ARL3: variants seen among roughly 807,000 people sequenced by gnomAD.
ARL3 encodes ARF like GTPase 3, also known as ADP-ribosylation factor-like protein 3.
In ARL3, 9 loss-of-function variants were observed where a neutral mutation model predicts 26.0. The ratio of observed to expected loss-of-function variants is 0.35; its 90% CI spans 0.21 to 0.60. The LOEUF is 0.60. Among genes scored for constraint, ARL3 ranks in the 20% least tolerant of loss-of-function variants. The pLI, the probability that ARL3 is intolerant of heterozygous loss-of-function variation, is 0.78. For missense variants in ARL3, 158 were observed against 215.7 expected (o/e 0.73, Z 1.67); for synonymous variants, 71 against 78.4 (o/e 0.91, Z 0.50).
At chr10:102,683,155 G>A (rs894686947) in intron 5 of ARL3, among the ~76,000 whole-genome samples, 1 of 152,164 alleles carries the variant, frequency 6.6e-6, no homozygotes, top group African/African-American at 2.4e-5. Context: ...GCTGGTGTGT[G>A]GACAAGAGCT....
chr10:102,686,708 G>T, intron 4 of ARL3, among the ~76,000 whole-genome samples: 1 of 150,170 alleles, frequency 6.7e-6, no homozygotes, highest in African/African-American at 2.5e-5. Context: ...CAAGTGATCT[G>T]CCCGCCTTGG....
chr10:102,687,452 C>T (rs923106609), intron 4 of ARL3, among the ~76,000 whole-genome samples: 2 of 151,556 alleles, frequency 1.3e-5, no homozygotes, highest in African/African-American at 2.4e-5. Flanking sequence ...CCATGTAATC[C>T]CAGCATTTTG....
At chr10:102,677,981 G>A (rs2064138384) in intron 5 of ARL3, among the ~76,000 whole-genome samples, 1 of 152,050 alleles carries the variant, frequency 6.6e-6, no homozygotes, top group Non-Finnish European at 1.5e-5. Context: ...AATATCAGCT[G>A]ACACCCTTGG....
At chr10:102,707,719 C>T (rs1293995539) in intron 1 of ARL3, among the ~76,000 whole-genome samples, 1 of 152,090 alleles carries the variant, frequency 6.6e-6, no homozygotes, top group Non-Finnish European at 1.5e-5. Context: ...CTTTGTTTAC[C>T]ACTTCTAGTA....
In ARL3 at chr10:102,682,595, T is replaced by C. The variant is rs554942835; in HGVS notation, c.501+3221A>G. Among the ~76,000 whole-genome samples the C allele has an allele frequency of 3.3e-5, 5 of 152,354 alleles. No homozygotes were observed. In the South Asian group the frequency reaches 1.0e-3, roughly 32 times the overall value. ...AAGCTACTCCACTAATGAGAAGTGA[T>C]GTACCTGCCCTACTTCATCCACAGA... On this transcript the variant is annotated intron_variant, in intron 5 of 5. Transcript: ENST00000260746.
chr10:102,707,861 T>C (rs2064317506), intron 1 of ARL3, among the ~76,000 whole-genome samples: 1 of 152,168 alleles, frequency 6.6e-6, no homozygotes, highest in South Asian at 2.1e-4. Context: ...AGAGATTGAA[T>C]AGATTGGAAA....
chr10:102,694,478 G>A (rs1590123816), intron 3 of ARL3, among the ~76,000 whole-genome samples: 1 of 151,736 alleles, frequency 6.6e-6, no homozygotes, highest in South Asian at 2.1e-4. Flanking sequence ...GCTCTAGGTC[G>A]AAGGAAAAAA....
chr10:102,711,173 C>A (rs1330305995), intron 1 of ARL3, among the ~76,000 whole-genome samples: 1 of 152,126 alleles, frequency 6.6e-6, no homozygotes, highest in Non-Finnish European at 1.5e-5. Context: ...TCTCATCACC[C>A]TCTCCTAAAT....
intron 3 of ARL3, among the ~76,000 whole-genome samples, chr10:102,694,177 G>A (rs2064235272): frequency 6.6e-6 from 1 of 151,212 alleles, no homozygotes; most frequent in South Asian, 2.1e-4. Flanking sequence ...TTTTTGTAGA[G>A]ATGGGGTTTC....
chr10:102,675,591 G>C lies in ARL3; in HGVS notation c.*1303C>G, dbSNP rs1477829270. ...CTGTTTCCCCATGTTTGAAGCTGAGGATTTCTGAGGTTCAGGGAAACAAGC... is the reference window on the plus strand; with the variant it reads ...CTGTTTCCCCATGTTTGAAGCTGAGCATTTCTGAGGTTCAGGGAAACAAGC... On this transcript the variant is annotated 3_prime_UTR_variant, in exon 6 of 6. Coordinates refer to ENST00000260746, the MANE Select transcript of ARL3 (RefSeq NM_004311.4). The C allele has an allele frequency of 6.6e-6, 1 of 152,222 alleles. No individual in the cohort carries two copies. Among genetic ancestry groups the C allele is most frequent in the African/African-American group, 2.4e-5 (1 of 41,446 alleles). 9.4% of individuals were successfully genotyped at this position (152,222 alleles called of 1,614,324 possible).
chr10:102,706,026 T>C (rs932600808), intron 1 of ARL3, among the ~76,000 whole-genome samples: 9 of 152,204 alleles, frequency 5.9e-5, no homozygotes, highest in African/African-American at 2.2e-4. Flanking sequence ...TATAAAATTA[T>C]AGTTGGGCTT....
At position 102,684,725 on chromosome 10, in the gene ARL3, G is replaced by A. The variant is rs187022520; in HGVS notation, c.501+1091C>T. On this transcript the variant is annotated intron_variant, in intron 5 of 5. Transcript: ENST00000260746. ...GCGATCTTGGCTCACTGGAACCTTC[G>A]CCTCCCAGCTTCAAGCAATTCTGCT... is the stretch of plus-strand genomic sequence containing the variant. 1.6e-3 allele frequency among the ~76,000 whole-genome samples: 235 copies of A among 151,550 alleles called. 1 individual carries two copies. The highest frequency in any genetic ancestry group is 5.5e-3 in the African/African-American group (229 of 41,398).
At chr10:102,686,132 C>T (rs2064183965) in intron 4 of ARL3, 131 bp from the exon 5 acceptor site, 15 of 735,152 alleles carry the variant, frequency 2.0e-5, no homozygotes, top group Admixed American at 6.2e-5. Context: ...AGTGCAATGG[C>T]GTGATCTCGG....
chr10:102,707,878 G>A (rs571067639), intron 1 of ARL3, among the ~76,000 whole-genome samples: 1 of 152,256 alleles, frequency 6.6e-6, no homozygotes, highest in South Asian at 2.1e-4. Flanking sequence ...GAAACAAACA[G>A]AAGTCTGGCT....
intron 2 of ARL3, among the ~76,000 whole-genome samples, chr10:102,699,989 T>C (rs1350984556): frequency 6.6e-6 from 1 of 152,192 alleles, no homozygotes; most frequent in Non-Finnish European, 1.5e-5. Flanking sequence ...CAGGGATTAA[T>C]CAGGAAAAAG....
rs1400832429 is a variant in ARL3, at chr10:102,689,910, A to G, written c.298T>C (p.Phe100Leu). The change falls in exon 4 of 6, where the codon TTT becomes CTT. Residue 100 changes from phenylalanine to leucine, a missense_variant. Coordinates refer to ENST00000260746, the MANE Select transcript of ARL3 (RefSeq NM_004311.4). The stretch of plus-strand genomic sequence containing the variant: ...TTATTTACCTGACCCGTCTCTTCAA[A>G]TCTTTTTCTGTCTGCACTGTCGATT... ...YVIDSADRKR[F>L]EETGQELAEL... The G allele has an allele frequency of 6.3e-7, 1 of 1,598,256 alleles. No individual in the cohort carries two copies. Among genetic ancestry groups the G allele is most frequent in the African/African-American group, 1.3e-5 (1 of 74,488 alleles).
At chr10:102,680,501 A>G (rs1006161977) in intron 5 of ARL3, among the ~76,000 whole-genome samples, 7 of 152,114 alleles carry the variant, frequency 4.6e-5, no homozygotes, top group Admixed American at 4.6e-4. Flanking sequence ...TCACAATATT[A>G]TTCTCCCCTA....
intron 3 of ARL3, among the ~76,000 whole-genome samples, chr10:102,696,108 C>T (rs879486578): frequency 2.0e-5 from 3 of 151,440 alleles, no homozygotes; most frequent in Non-Finnish European, 4.4e-5. Flanking sequence ...GGACTACAGG[C>T]GCCCGCCACC....
chr10:102,705,677 T>C (rs1252810643), intron 1 of ARL3, among the ~76,000 whole-genome samples, 188 bp from the exon 2 acceptor site: 5 of 152,202 alleles, frequency 3.3e-5, no homozygotes, highest in African/African-American at 1.2e-4. Flanking sequence ...CTACAGTAAA[T>C]TCAGCAACTT....
Sources: allele counts gnomAD v4.1 joint callset (sites outside exome capture counted in the v4.1 genomes callset), GRCh38; gene constraint gnomAD v4.1.1; transcripts MANE v1.5; gene names NCBI Gene and HGNC (gene_info 2026-07-23, HGNC 2026-07-21).